Variants in ANKRD55 observed in about 807,000 individuals in gnomAD.
The protein encoded by ANKRD55 is ankyrin repeat domain-containing protein 55.
ANKRD55 carries 41 observed loss-of-function variants against 60.6 expected under a neutral mutation model. The ratio of observed to expected loss-of-function variants is 0.68; its 90% CI spans 0.53 to 0.88. ANKRD55 has a LOEUF of 0.88. ANKRD55 is among the 40% of genes least tolerant of loss of function. The pLI is 0.00. For synonymous variants in ANKRD55, 264 were observed against 290.3 expected, an observed-to-expected ratio of 0.91 and a Z score of 0.92; for missense variants, 732 against 767.6, an observed-to-expected ratio of 0.95 and a Z score of 0.55.
intron 3 of ANKRD55, among the ~76,000 whole-genome samples, chr5:56,179,065 C>A (rs1758802696): frequency 6.6e-6 from 1 of 152,028 alleles, no homozygotes; most frequent in South Asian, 2.1e-4. Context: ...ACGAAAATTT[C>A]ACATTGATGA....
chr5:56,139,041 T>G, intron 7 of ANKRD55, among the ~76,000 whole-genome samples: 1 of 107,770 alleles, frequency 9.3e-6, no homozygotes, highest in African/African-American at 3.8e-5. Flanking sequence ...ACCACTGTAG[T>G]GGGAGATGTT....
chr5:56,109,212 A>G (rs140251374), intron 10 of ANKRD55, among the ~76,000 whole-genome samples: 251 of 152,320 alleles, frequency 1.6e-3, no homozygotes, highest in African/African-American at 5.8e-3. Context: ...AAAGATGTTT[A>G]TAAAGCCTGT....
intron 7 of ANKRD55, among the ~76,000 whole-genome samples, chr5:56,135,103 C>CT: frequency 6.6e-6 from 1 of 152,206 alleles, no homozygotes; most frequent in East Asian, 1.9e-4. Flanking sequence ...ACTTCCTAAA[C>CT]TTGGTAAAGA....
intron 6 of ANKRD55, among the ~76,000 whole-genome samples, chr5:56,158,095 T>G (rs1758240417): frequency 6.6e-6 from 1 of 151,944 alleles, no homozygotes; most frequent in Non-Finnish European, 1.5e-5. Flanking sequence ...GTAGGAGAAT[T>G]TCTTGAATCT....
chr5:56,211,805 A>G (rs1759680447), intron 2 of ANKRD55, among the ~76,000 whole-genome samples: 1 of 152,204 alleles, frequency 6.6e-6, no homozygotes, highest in Non-Finnish European at 1.5e-5. Flanking sequence ...TGTAGCAAAA[A>G]TAACCTTTAA....
intron 6 of ANKRD55, chr5:56,156,800 C>T (rs1340379621): frequency 6.6e-6 from 1 of 152,196 alleles, no homozygotes; most frequent in Non-Finnish European, 1.5e-5. Context: ...AACCCTCTTT[C>T]CTCTGAGGTT....
intron 2 of ANKRD55, among the ~76,000 whole-genome samples, chr5:56,225,219 C>G (rs537639541): frequency 6.6e-6 from 1 of 152,064 alleles, no homozygotes; most frequent in Non-Finnish European, 1.5e-5. Context: ...ATAAACAGAA[C>G]CAAAGACAAA....
At position 56,135,211 on chromosome 5, in the gene ANKRD55, TTTCCTTCCTTCCTTCC is replaced by T. The variant is rs201467096; in HGVS notation, c.613-8121_613-8106del. ...GAAGAAGGTAAAAATGTCTCACAACTTTCCTTCCTTCCTTCCTTCCTTCCTTCCTTCCTTCCTTCCT... is the reference window on the plus strand; with the variant it reads ...GAAGAAGGTAAAAATGTCTCACAACTTTCCTTCCTTCCTTCCTTCCTTCCT... On this transcript the variant is annotated intron_variant, in intron 7 of 11. Transcript: ENST00000341048. Among the ~76,000 whole-genome samples, 1,017 of 118,416 alleles carry T rather than the reference TTTCCTTCCTTCCTTCC, an allele frequency of 8.6e-3. 38 individuals are homozygous for T. Among genetic ancestry groups the T allele is most frequent in the East Asian group, 0.024 (90 of 3,826 alleles). 77.7% of individuals were successfully genotyped at this position (118,416 alleles called of 152,430 possible).
At chr5:56,215,958 A>C (rs986455758) in intron 2 of ANKRD55, among the ~76,000 whole-genome samples, 1 of 151,334 alleles carries the variant, frequency 6.6e-6, no homozygotes, top group South Asian at 2.1e-4. Context: ...TCATGAATAC[A>C]TCTTGGTGGC....
At chr5:56,152,759 C>T (rs1758087868) in intron 6 of ANKRD55, among the ~76,000 whole-genome samples, 1 of 151,782 alleles carries the variant, frequency 6.6e-6, no homozygotes, top group African/African-American at 2.4e-5. Flanking sequence ...GTTAATGAAA[C>T]AGGAAAAACA....
At chr5:56,229,726 T>G (rs917217456) in intron 2 of ANKRD55, among the ~76,000 whole-genome samples, 2 of 152,200 alleles carry the variant, frequency 1.3e-5, no homozygotes, top group Non-Finnish European at 2.9e-5. Context: ...AAGGTCCTTC[T>G]GCATCATATT....
At chr5:56,194,190 C>G (rs1561287797) in intron 2 of ANKRD55, among the ~76,000 whole-genome samples, 2 of 152,056 alleles carry the variant, frequency 1.3e-5, no homozygotes, top group East Asian at 1.9e-4. Context: ...GTGGCGCGCA[C>G]CTGTAGTCCC....
At chr5:56,137,994 G>GA (rs1272182659) in intron 7 of ANKRD55, among the ~76,000 whole-genome samples, 1 of 152,132 alleles carries the variant, frequency 6.6e-6, no homozygotes, top group African/African-American at 2.4e-5. Flanking sequence ...CATTGATTAG[G>GA]AAGGCTAAAA....
At chr5:56,207,425 T>C (rs1009702847) in intron 2 of ANKRD55, among the ~76,000 whole-genome samples, 1 of 152,212 alleles carries the variant, frequency 6.6e-6, no homozygotes, top group Non-Finnish European at 1.5e-5. Flanking sequence ...CTATGTATAG[T>C]CATAAGTCAC....
rs1261472459 is a variant in ANKRD55, at chr5:56,102,524, TC to T, written c.1692del (p.Asn565ThrfsTer3). On this transcript the variant is annotated frameshift_variant, in exon 11 of 12. Transcript: ENST00000341048. LOFTEE classifies it low-confidence loss of function (END_TRUNC). Reference protein sequence around the residue: ...RHKIRDLPFTRNNLAPLPDQK... With the variant: ...RHKIRDLPFTXNNLAPLPDQK... The stretch of plus-strand genomic sequence containing the variant: ...TGATCTGGTAGGGGAGCTAGGTTGT[TC>T]CGAGTGAAAGGAAGATCCCTGATTT... 6.2e-7 allele frequency: 1 copy of T among 1,613,842 alleles called. No individual in the cohort carries two copies. Among genetic ancestry groups the T allele is most frequent in the African/African-American group, 1.3e-5 (1 of 75,050 alleles).
chr5:56,125,381 A>G (rs1026275230), intron 8 of ANKRD55, among the ~76,000 whole-genome samples: 1 of 151,794 alleles, frequency 6.6e-6, no homozygotes, highest in African/African-American at 2.4e-5. Context: ...CTTGGGTTCA[A>G]GCGATTCTCC....
chr5:56,127,404 C>A (rs572496757), intron 7 of ANKRD55: 10 of 984,646 alleles, frequency 1.0e-5, no homozygotes, highest in Non-Finnish European at 1.2e-5. Context: ...AATGGACTGA[C>A]GTCAGAGCTA....
rs1452404910 is a variant in ANKRD55 at position 56,183,598 on chromosome 5, T to C, written c.95A>G (p.Tyr32Cys). The change falls in exon 3 of 12, where the codon TAT becomes TGT. Residue 32 changes from tyrosine to cysteine, a missense_variant. By Grantham distance (194) the Tyr-to-Cys change is radical. This residue lies in a region of ANKRD55 where 131 missense variants were observed against 142.7 expected (regional missense o/e 0.92). Coordinates refer to ENST00000341048, the MANE Select transcript of ANKRD55 (RefSeq NM_024669.3). ...SSEEVDLTMV[Y>C]QAASNGDVNA... ...GACATCTCCATTAGAGGCTGCTTGATAAACCATGGTCAGGTCAACTTCCTC... is the reference window on the plus strand; with the variant it reads ...GACATCTCCATTAGAGGCTGCTTGACAAACCATGGTCAGGTCAACTTCCTC... 1.9e-6 allele frequency: 3 copies of C among 1,614,206 alleles called. No homozygotes were observed. The highest frequency in any genetic ancestry group is 2.5e-6 in the Non-Finnish European group (3 of 1,180,036).
chr5:56,222,388 A>T (rs781174693), intron 2 of ANKRD55, among the ~76,000 whole-genome samples: 1 of 152,242 alleles, frequency 6.6e-6, no homozygotes, highest in South Asian at 2.1e-4. Flanking sequence ...AACCACAAAG[A>T]TTGGGAGAAA....
Sources: gnomAD v4.1 joint callset for allele counts (sites outside exome capture counted in the v4.1 genomes callset) on GRCh38, gnomAD v4.1.1 for gene constraint, gnomAD v4.1.1 regional missense constraint, MANE v1.5 for transcripts, NCBI Gene and HGNC (gene_info 2026-07-23, HGNC 2026-07-21) for gene names.